The following RNF130 variants were observed in gnomAD, a reference collection of about 807,000 sequenced individuals.
RNF130 encodes the protein ring finger protein 130.
Under a neutral mutation model 44.6 loss-of-function variants are expected in RNF130, and 21 were observed. That is an observed-to-expected ratio of 0.47 (90% CI 0.33 to 0.68). The LOEUF (loss-of-function observed/expected upper bound fraction) is 0.68, where lower values mean the gene tolerates loss of function less well. Among genes scored for constraint, RNF130 ranks in the 30% least tolerant of loss-of-function variants. The pLI is 0.02. For missense variants in RNF130, 479 were observed against 560.6 expected, an observed-to-expected ratio of 0.85 and a Z score of 1.47; for synonymous variants, 214 against 210.4, an observed-to-expected ratio of 1.02 and a Z score of -0.15.
intron 1 of RNF130, among the ~76,000 whole-genome samples, chr5:180,042,399 G>A (rs1764440906): frequency 6.6e-6 from 1 of 152,098 alleles, no homozygotes; most frequent in African/African-American, 2.4e-5. Flanking sequence ...TCCTTAAAAG[G>A]TTTCTGCACT....
chr5:179,969,502 T>C (rs248221), intron 6 of RNF130, among the ~76,000 whole-genome samples: 26,940 of 152,026 alleles, frequency 0.18, 2,585 homozygotes, highest in Middle Eastern at 0.28. Context: ...AGGTAGGTAC[T>C]GGAATGAAGA....
At chr5:179,965,552 C>G (rs1484510608) in intron 7 of RNF130, among the ~76,000 whole-genome samples, 1 of 152,150 alleles carries the variant, frequency 6.6e-6, no homozygotes, top group South Asian at 2.1e-4. Flanking sequence ...AATGTTTGAT[C>G]AATGAAGGAC....
At chr5:179,998,859 T>TTATATATATATA (rs61232613) in intron 3 of RNF130, among the ~76,000 whole-genome samples, 20 of 88,730 alleles carry the variant, frequency 2.3e-4, no homozygotes, top group African/African-American at 6.8e-4. Context: ...CTAGTATTTT[T>TTATATATATATA]TATATATATA....
chr5:179,951,017 G>A (rs1762116243), downstream of RNF130, among the ~76,000 whole-genome samples: 1 of 152,164 alleles, frequency 6.6e-6, no homozygotes, highest in Admixed American at 6.5e-5. Flanking sequence ...ATACAAGAGA[G>A]TCCACTCTAG....
intron 8 of RNF130, among the ~76,000 whole-genome samples, chr5:179,958,205 C>T (rs749958259): frequency 1.3e-5 from 2 of 152,162 alleles, no homozygotes; most frequent in African/African-American, 2.4e-5. Context: ...ACAAGTGTTT[C>T]TCAAAACTAA....
intron 7 of RNF130, among the ~76,000 whole-genome samples, chr5:179,946,592 C>CA (rs1762042564): frequency 6.7e-5 from 10 of 148,810 alleles, no homozygotes; most frequent in African/African-American, 2.0e-4. Context: ...CTCGCTCTGT[C>CA]GCCCAGGCTG....
intron 7 of RNF130, among the ~76,000 whole-genome samples, chr5:179,948,347 G>T (rs530049344): frequency 6.6e-6 from 1 of 152,292 alleles, no homozygotes; most frequent in Non-Finnish European, 1.5e-5. Context: ...GGTGGTCTCT[G>T]TTTCACCGGG....
At chr5:180,026,722 A>G (rs1290986277) in intron 2 of RNF130, among the ~76,000 whole-genome samples, 1 of 152,256 alleles carries the variant, frequency 6.6e-6, no homozygotes, top group African/African-American at 2.4e-5. Context: ...AAAATTAGGT[A>G]TAAAACATAG....
At chr5:179,932,677 A>C (rs1270835763) in intron 7 of RNF130, among the ~76,000 whole-genome samples, 1 of 151,958 alleles carries the variant, frequency 6.6e-6, no homozygotes, top group Non-Finnish European at 1.5e-5. Flanking sequence ...GTCTCTACTA[A>C]AAATACAAAA....
At chr5:180,010,551 G>C (rs889265819) in intron 3 of RNF130, among the ~76,000 whole-genome samples, 1 of 152,032 alleles carries the variant, frequency 6.6e-6, no homozygotes, top group African/African-American at 2.4e-5. Context: ...AGTGGAGATG[G>C]GGTTTGCCAT....
At chr5:180,015,663 G>A (rs1763707299) in intron 2 of RNF130, among the ~76,000 whole-genome samples, 1 of 133,870 alleles carries the variant, frequency 7.5e-6, no homozygotes, top group Admixed American at 7.4e-5. Flanking sequence ...TAGGAAAGGA[G>A]TAGGAAAGGA....
chr5:179,986,538 A>G (rs868058759), intron 3 of RNF130, among the ~76,000 whole-genome samples: 1 of 152,216 alleles, frequency 6.6e-6, no homozygotes, highest in Non-Finnish European at 1.5e-5. Flanking sequence ...CGAACTACTC[A>G]TAAGCGTATG....
In RNF130 at chr5:180,071,474, G is replaced by T; in HGVS notation, c.229C>A (p.Pro77Thr). 8.0e-7 allele frequency: 1 copy of T among 1,247,386 alleles called. No homozygotes were observed. 77.3% of individuals were successfully genotyped at this position (1,247,386 alleles called of 1,614,324 possible). The change falls in exon 1 of 9, where the codon CCG becomes ACG. Residue 77 changes from proline (P) to threonine (T), a missense_variant. This residue lies in a region of RNF130 where 138 missense variants were observed against 126.9 expected (regional missense o/e 1.09). Coordinates refer to ENST00000521389, the MANE Select transcript of RNF130 (RefSeq NM_018434.6). ...CACTCACCTCCGTGGAGGGGCAGCG[G>T]CGCCAGCACCTGGCCGCGGACCTCG... ...KAEVRGQVLA[P>T]LPLHGVADHL...
chr5:180,071,707 C>T lies in RNF130; in HGVS notation c.-5G>A. On this transcript the variant is annotated 5_prime_UTR_variant, in exon 1 of 9. Coordinates refer to ENST00000521389, the MANE Select transcript of RNF130 (RefSeq NM_018434.6). ...CGCCCGCCCCGCGCAGCTCATCGTC[C>T]CTCCGGCAGCCGCCGCTGCTCGCGG... 1 of 1,274,312 alleles carries T rather than the reference C, an allele frequency of 7.8e-7. No individual in the cohort carries two copies. The highest frequency in any genetic ancestry group is 9.9e-7 in the Non-Finnish European group (1 of 1,011,774). The allele number at this position is 1,274,312 out of a possible 1,614,324, so 78.9% of individuals were successfully genotyped here. A position where few individuals can be genotyped will look rare whatever the true frequency, so the allele number is the denominator to read the frequency against.
At chr5:179,958,789 T>C in intron 8 of RNF130, among the ~76,000 whole-genome samples, 1 of 152,064 alleles carries the variant, frequency 6.6e-6, no homozygotes, top group Non-Finnish European at 1.5e-5. Flanking sequence ...CAGGTTCAAG[T>C]GATTCTCCTG....
At chr5:180,030,399 G>A (rs1764107540) in intron 2 of RNF130, among the ~76,000 whole-genome samples, 1 of 152,114 alleles carries the variant, frequency 6.6e-6, no homozygotes. Flanking sequence ...CATCCTACAA[G>A]ACTCATCTTT....
At chr5:179,913,448 A>G (rs1427522700) in exon 8 of RNF130, 1 of 152,082 alleles carries the variant, frequency 6.6e-6, no homozygotes, top group African/African-American at 2.4e-5. Context: ...CTTAGGGTGG[A>G]AAAGGAAGGA....
rs139660381 is a variant in RNF130 at position 180,050,919 on chromosome 5, T to A, written c.248-10272A>T. Among the ~76,000 whole-genome samples the A allele has an allele frequency of 5.5e-4, 83 of 152,206 alleles. No homozygotes were observed. In the East Asian group the frequency reaches 0.01, roughly 19 times the overall value. ...CCTGGGCTCAAGTAATCCTCCCACCTCAGCATCCTGAGTAGCTGGGACTAC... is the reference window on the plus strand; with the variant it reads ...CCTGGGCTCAAGTAATCCTCCCACCACAGCATCCTGAGTAGCTGGGACTAC... On this transcript the variant is annotated intron_variant, in intron 1 of 8. Coordinates refer to ENST00000521389, the MANE Select transcript of RNF130 (RefSeq NM_018434.6).
chr5:179,997,899 T>C (rs1763240933), intron 3 of RNF130, among the ~76,000 whole-genome samples: 1 of 152,134 alleles, frequency 6.6e-6, no homozygotes, highest in African/African-American at 2.4e-5. Context: ...TGGAGTACAG[T>C]GGTGTGATCT....
Sources: allele counts gnomAD v4.1 joint callset (sites outside exome capture counted in the v4.1 genomes callset), GRCh38; gene constraint gnomAD v4.1.1; regional missense constraint gnomAD v4.1.1; transcripts MANE v1.5; gene names NCBI Gene and HGNC (gene_info 2026-07-23, HGNC 2026-07-21).